PCDHA12: variants seen among roughly 807,000 people sequenced by gnomAD.
PCDHA12 encodes protocadherin alpha-12.
In PCDHA12, 44 loss-of-function variants were observed where a neutral mutation model predicts 60.0. That is an observed-to-expected ratio of 0.73 (90% CI 0.58 to 0.94). The LOEUF is 0.94. Ranked by LOEUF, PCDHA12 falls within the 40% of genes least tolerant of loss-of-function variation. The pLI, the probability that PCDHA12 is intolerant of heterozygous loss-of-function variation, is 0.00. For synonymous variants in PCDHA12, 569 were observed against 553.0 expected, an observed-to-expected ratio of 1.03 and a Z score of -0.40; for missense variants, 1,276 against 1,239.7, an observed-to-expected ratio of 1.03 and a Z score of -0.44.
intron 3 of PCDHA12, among the ~76,000 whole-genome samples, chr5:141,002,380 G>T (rs1284047266): frequency 2.0e-5 from 3 of 152,196 alleles, no homozygotes; most frequent in Non-Finnish European, 2.9e-5. Context: ...CTGGCTTAGG[G>T]CTCCTGCTGG....
At position 140,877,331 on chromosome 5, in the gene PCDHA12, T is replaced by A. The variant is rs2057038565; in HGVS notation, c.1859T>A (p.Ile620Asn). The change falls in exon 1 of 4, where the codon ATC (isoleucine) becomes AAC (asparagine). Residue 620 changes from isoleucine to asparagine, a missense_variant. By Grantham distance (149) the Ile-to-Asn change is moderately radical (BLOSUM62 -3). Transcript: ENST00000398631. ...ELQPAAVGAH[I>N]PFHVGLYTGE... is the part of the protein sequence containing the mutation. Reference sequence around the variant, plus strand: ...CAACCGGCGGCGGTCGGCGCGCACATCCCGTTCCACGTGGGGCTGTACACT... The same window carrying A: ...CAACCGGCGGCGGTCGGCGCGCACAACCCGTTCCACGTGGGGCTGTACACT... The A allele has an allele frequency of 9.3e-6, 15 of 1,613,962 alleles. No homozygotes were observed. The highest frequency in any genetic ancestry group is 1.3e-5 in the Non-Finnish European group (15 of 1,179,870).
intron 1 of PCDHA12, chr5:140,966,848 C>T (rs573027963): frequency 1.3e-6 from 2 of 1,571,846 alleles, no homozygotes; most frequent in East Asian, 2.3e-5. Flanking sequence ...GCTACTGCCT[C>T]TCCTGCTGCT....
Position 140,875,502 on chromosome 5 carries a change from A to G in PCDHA12, c.30A>G (p.Gly10=), listed in dbSNP as rs201298546. 28 of 1,613,494 alleles carry G rather than the reference A, an allele frequency of 1.7e-5. No homozygotes were observed. Among genetic ancestry groups the G allele is most frequent in the Non-Finnish European group, 2.3e-5 (27 of 1,179,582 alleles). The change falls in exon 1 of 4, where the codon GGA becomes GGG. Residue 10 remains glycine, a synonymous_variant. Coordinates refer to ENST00000398631, the MANE Select transcript of PCDHA12 (RefSeq NM_018903.4). MVIIGPRGP[G]SQRLLLSLLL... ...TGATTATCGGACCAAGAGGCCCGGG[A>G]TCCCAGCGTCTGCTGCTCTCGCTTC...
chr5:140,967,472 G>C (rs782183935), intron 1 of PCDHA12: 3 of 1,613,430 alleles, frequency 1.9e-6, no homozygotes, highest in Non-Finnish European at 2.5e-6. Flanking sequence ...GGGCATCCCA[G>C]CCCGCTCGGG....
Position 141,009,626 on chromosome 5 carries a change from G to C in PCDHA12, c.2516-1G>C, listed in dbSNP as rs782621388. The C allele has an allele frequency of 1.9e-6, 3 of 1,612,816 alleles. No individual in the cohort carries two copies. Among genetic ancestry groups the C allele is most frequent in the Non-Finnish European group, 2.5e-6 (3 of 1,179,228 alleles). On this transcript the variant is annotated splice_acceptor_variant, in intron 3 of 3. Transcript: ENST00000398631. LOFTEE classifies it high-confidence loss of function. ...ATGATTTGTAATGTTTTGTCTTTCA[G>C]AACCAGAGGCAGGAGAAGTGTCCCC...
At chr5:140,898,400 C>T (rs1374307667) in intron 1 of PCDHA12, among the ~76,000 whole-genome samples, 1 of 152,178 alleles carries the variant, frequency 6.6e-6, no homozygotes, top group Non-Finnish European at 1.5e-5. Flanking sequence ...TTTCAGCTTT[C>T]TACATACGGC....
At chr5:140,881,563 T>C (rs894982822) in intron 1 of PCDHA12, among the ~76,000 whole-genome samples, 4 of 152,232 alleles carry the variant, frequency 2.6e-5, no homozygotes, top group Non-Finnish European at 5.9e-5. Flanking sequence ...AAATATCTTA[T>C]CTACATCTCA....
chr5:140,945,962 G>A (rs1049789327), intron 1 of PCDHA12, among the ~76,000 whole-genome samples: 1 of 152,002 alleles, frequency 6.6e-6, no homozygotes, highest in Non-Finnish European at 1.5e-5. Context: ...GAAAGCACAG[G>A]CAATAAAAGC....
chr5:140,892,058 T>C (rs1417540713), intron 1 of PCDHA12, among the ~76,000 whole-genome samples: 3 of 152,248 alleles, frequency 2.0e-5, no homozygotes, highest in African/African-American at 4.8e-5. Context: ...TCAAATTTAT[T>C]GTTACTTTGT....
chr5:141,001,159 G>A (rs1332533329), intron 3 of PCDHA12, among the ~76,000 whole-genome samples: 2 of 152,076 alleles, frequency 1.3e-5, no homozygotes, highest in Non-Finnish European at 2.9e-5. Context: ...ATCTTAATAA[G>A]TAAAATTTAA....
intron 1 of PCDHA12, among the ~76,000 whole-genome samples, chr5:140,941,202 C>CCTTTCTTCCTTCCTTTCTTT (rs1394736170): frequency 8.1e-5 from 10 of 122,740 alleles, no homozygotes; most frequent in African/African-American, 2.1e-4. Context: ...TTTCTTTCTT[C>CCTTTCTTCCTTCCTTTCTTT]CTTTCTTTCT....
intron 1 of PCDHA12, among the ~76,000 whole-genome samples, chr5:140,909,322 T>A (rs1554193738): frequency 6.6e-6 from 1 of 152,236 alleles, no homozygotes. Context: ...ATTTGCCAAA[T>A]CAATGGTTGC....
At position 140,875,367 on chromosome 5, in the gene PCDHA12, T is replaced by A. The variant is rs937879067; in HGVS notation, c.-106T>A. ...ATAATGACTGTGATGCTGGAAAAAA[T>A]TTACTAAATATGTACTTACAGAAAA... On this transcript the variant is annotated 5_prime_UTR_variant, in exon 1 of 4. Transcript: ENST00000398631. 6.9e-7 allele frequency: 1 copy of A among 1,449,166 alleles called. No homozygotes were observed. The highest frequency in any genetic ancestry group is 9.1e-7 in the Non-Finnish European group (1 of 1,101,550). The allele number at this position is 1,449,166 out of a possible 1,614,324, so 89.8% of individuals were successfully genotyped here.
chr5:140,956,775 C>T (rs1176979643), intron 1 of PCDHA12, among the ~76,000 whole-genome samples: 1 of 152,112 alleles, frequency 6.6e-6, no homozygotes, highest in Non-Finnish European at 1.5e-5. Context: ...CTGTCTGGTC[C>T]TGGGCTTTGT....
Position 140,876,936 on chromosome 5 carries a change from G to C in PCDHA12, c.1464G>C (p.Ala488=), listed in dbSNP as rs567563243. The change falls in exon 1 of 4, where the codon GCG becomes GCC. Residue 488 remains alanine, a synonymous_variant. Transcript: ENST00000398631. ...SAWDADAQKN[A]LVSYSLVERR... is the part of the protein sequence containing the mutation. ...GGGACGCGGACGCGCAGAAGAACGCGCTGGTGTCCTACTCGCTGGTGGAGC... is the reference window on the plus strand; with the variant it reads ...GGGACGCGGACGCGCAGAAGAACGCCCTGGTGTCCTACTCGCTGGTGGAGC... 190 of 1,613,730 alleles carry C rather than the reference G, an allele frequency of 1.2e-4. 1 individual carries two copies. The highest frequency in any genetic ancestry group is 1.5e-4 in the South Asian group (14 of 91,062).
chr5:140,986,777 G>A (rs1203790689), intron 3 of PCDHA12, among the ~76,000 whole-genome samples: 5 of 152,234 alleles, frequency 3.3e-5, no homozygotes, highest in Admixed American at 6.5e-5. Flanking sequence ...ATTAGGTAGC[G>A]GAAGCCACTA....
Position 140,889,101 on chromosome 5 carries a change from T to C in PCDHA12, c.2367+11262T>C, listed in dbSNP as rs115792966. On this transcript the variant is annotated intron_variant, in intron 1 of 3. Transcript: ENST00000398631. ...TTAAATTTTCAAAACAATTTTTTCA[T>C]CTTTATTCCAGGTGATACTGATATG... Among the ~76,000 whole-genome samples the C allele has an allele frequency of 7.5e-3, 1,145 of 152,066 alleles. 15 individuals carry two copies. Among genetic ancestry groups the C allele is most frequent in the African/African-American group, 0.026 (1,085 of 41,518 alleles).
At chr5:140,931,023 T>C (rs146623712) in intron 1 of PCDHA12, among the ~76,000 whole-genome samples, 1 of 152,322 alleles carries the variant, frequency 6.6e-6, no homozygotes, top group African/African-American at 2.4e-5. Context: ...AATTTTCTGA[T>C]TGTAGAGCTA....
At chr5:140,912,882 T>A (rs2153523481) in intron 1 of PCDHA12, among the ~76,000 whole-genome samples, 1 of 152,362 alleles carries the variant, frequency 6.6e-6, no homozygotes, top group South Asian at 2.1e-4. Context: ...TTGGTCTTCA[T>A]TCTGTTGATA....
Sources: gnomAD v4.1 joint callset for allele counts (sites outside exome capture counted in the v4.1 genomes callset) on GRCh38, gnomAD v4.1.1 for gene constraint, MANE v1.5 for transcripts, NCBI Gene and HGNC (gene_info 2026-07-23, HGNC 2026-07-21) for gene names.